Variants in LAPTM4B observed in about 807,000 individuals in gnomAD.
LAPTM4B encodes lysosomal protein transmembrane 4 beta.
A neutral mutation model predicts 28.5 loss-of-function variants in LAPTM4B; 26 were observed. That is an observed-to-expected ratio of 0.91 (90% CI 0.67 to 1.27). The LOEUF is 1.27. Among genes scored for constraint, LAPTM4B ranks in the 50% most tolerant of loss-of-function variants. The probability of loss-of-function intolerance (pLI) is 0.00; values close to 1 mark genes in which losing one functional copy is unlikely to be tolerated. For synonymous variants in LAPTM4B, 109 were observed against 106.4 expected (o/e 1.02, Z -0.15); for missense variants, 288 against 285.8 (o/e 1.01, Z -0.06).
intron 2 of LAPTM4B, among the ~76,000 whole-genome samples, chr8:97,812,263 A>G (rs544663162): frequency 7.8e-6 from 1 of 127,486 alleles, no homozygotes; most frequent in African/African-American, 2.8e-5. Context: ...TCTGTCACCC[A>G]GGCTGGAGTA....
intron 5 of LAPTM4B, among the ~76,000 whole-genome samples, chr8:97,819,953 T>C (rs1816978820): frequency 6.6e-6 from 1 of 152,136 alleles, no homozygotes; most frequent in Non-Finnish European, 1.5e-5. Context: ...GCCAGGATGG[T>C]CTCGATCTCC....
chr8:97,775,919 G>A lies in LAPTM4B; in HGVS notation c.-91G>A, dbSNP rs1313277461. On this transcript the variant is annotated 5_prime_UTR_variant, in exon 1 of 7. Coordinates refer to ENST00000521545, the MANE Select transcript of LAPTM4B (RefSeq NM_018407.6). ...CGGGCCGGGAGCCGGAGCGGCGGAG[G>A]AGCCGGCAGCAGCGGCGCGGCGGGC... The A allele has an allele frequency of 5.6e-6, 7 of 1,245,342 alleles. No individual in the cohort carries two copies. The highest frequency in any genetic ancestry group is 5.4e-6 in the Non-Finnish European group (5 of 930,918). The allele number at this position is 1,245,342 out of a possible 1,614,324, so 77.1% of individuals were successfully genotyped here. A position where few individuals can be genotyped will look rare whatever the true frequency, so the allele number is the denominator to read the frequency against.
chr8:97,790,606 G>A (rs1336956122), intron 1 of LAPTM4B, among the ~76,000 whole-genome samples: 2 of 152,164 alleles, frequency 1.3e-5, no homozygotes, highest in African/African-American at 4.8e-5. Context: ...ACCGTGCCTG[G>A]CCTTAATTTT....
At chr8:97,823,510 G>A (rs1440077670) in intron 5 of LAPTM4B, among the ~76,000 whole-genome samples, 4 of 151,738 alleles carry the variant, frequency 2.6e-5, no homozygotes, top group African/African-American at 9.7e-5. Context: ...ACATAGCTGG[G>A]ATTACAGGCA....
At chr8:97,785,639 GA>G (rs1248164214) in intron 1 of LAPTM4B, among the ~76,000 whole-genome samples, 1 of 152,162 alleles carries the variant, frequency 6.6e-6, no homozygotes, top group Admixed American at 6.6e-5. Flanking sequence ...TTTAAAGACT[GA>G]AAGGGGGAAC....
rs534785211 is a variant in LAPTM4B, at chr8:97,803,342, G to A, written c.100-2011G>A. On this transcript the variant is annotated intron_variant, in intron 1 of 6. Coordinates refer to ENST00000521545, the MANE Select transcript of LAPTM4B (RefSeq NM_018407.6). ...CACCCAGGCTGGAGGGCAGTGGCACGATCTCAGCTCACTGGAACCTCTGCC... is the reference window on the plus strand; with the variant it reads ...CACCCAGGCTGGAGGGCAGTGGCACAATCTCAGCTCACTGGAACCTCTGCC... Among the ~76,000 whole-genome samples the A allele has an allele frequency of 7.0e-4, 106 of 151,520 alleles. 1 individual carries two copies. In the South Asian group the frequency reaches 0.021, roughly 30 times the overall value.
chr8:97,794,319 A>AT (rs1816549125), intron 1 of LAPTM4B, among the ~76,000 whole-genome samples: 1 of 152,136 alleles, frequency 6.6e-6, no homozygotes, highest in African/African-American at 2.4e-5. Context: ...AAATATAAAA[A>AT]TTAGCTCATC....
chr8:97,839,090 C>G (rs1319916), intron 6 of LAPTM4B, among the ~76,000 whole-genome samples: 17,865 of 152,186 alleles, frequency 0.12, 1,247 homozygotes, highest in East Asian at 0.17. Context: ...CTCCCAAAAC[C>G]TTTTCCTTGG....
At chr8:97,812,342 C>T (rs920186510) in intron 2 of LAPTM4B, among the ~76,000 whole-genome samples, 7 of 151,358 alleles carry the variant, frequency 4.6e-5, no homozygotes, top group African/African-American at 1.7e-4. Flanking sequence ...GCCTTGGCCT[C>T]CCGAGTAGCT....
At chr8:97,797,225 C>T (rs1029268463) in intron 1 of LAPTM4B, among the ~76,000 whole-genome samples, 1 of 150,954 alleles carries the variant, frequency 6.6e-6, no homozygotes, top group Non-Finnish European at 1.5e-5. Context: ...ACCTCTGCTT[C>T]CCAGGTTGAA....
intron 1 of LAPTM4B, among the ~76,000 whole-genome samples, chr8:97,797,823 CAT>C (rs1222316814): frequency 6.6e-6 from 1 of 152,164 alleles, no homozygotes. Flanking sequence ...ATTCCTGGAA[CAT>C]ATTCAGGGGC....
At chr8:97,834,994 A>G (rs531576872) in intron 6 of LAPTM4B, among the ~76,000 whole-genome samples, 20 of 152,304 alleles carry the variant, frequency 1.3e-4, no homozygotes, top group African/African-American at 4.6e-4. Flanking sequence ...CAATTAAGAA[A>G]ACCAAAGTTA....
intron 1 of LAPTM4B, among the ~76,000 whole-genome samples, chr8:97,800,484 C>CTTTTTTTTTTTTTTTTTTTTTTTTT (rs546425169): frequency 1.2e-4 from 8 of 69,326 alleles, no homozygotes; most frequent in African/African-American, 6.0e-4. Context: ...CCCTTGACCT[C>CTTTTTTTTTTTTTTTTTTTTTTTTT]TTTTTTTTTT....
At chr8:97,789,375 G>GTT (rs71271150) in intron 1 of LAPTM4B, among the ~76,000 whole-genome samples, 1 of 150,070 alleles carries the variant, frequency 6.7e-6, no homozygotes, top group Non-Finnish European at 1.5e-5. Context: ...CGCCTGGCCT[G>GTT]TTTTTTTGAG....
intron 1 of LAPTM4B, among the ~76,000 whole-genome samples, chr8:97,788,916 G>C (rs1220677079): frequency 6.6e-6 from 1 of 151,636 alleles, no homozygotes; most frequent in Non-Finnish European, 1.5e-5. Context: ...GGTTGGTCTC[G>C]AACTCCTGAC....
rs386413439 is a variant in LAPTM4B, at chr8:97,805,324, C to CTTTTTTTTTTTTTTTTTTT, written c.100-11_100-10insTTTTTTTTTTTTTTTTTTT. On this transcript the variant is annotated intron_variant, in intron 1 of 6. Transcript: ENST00000521545. The stretch of plus-strand genomic sequence containing the variant: ...ATTGCATCCTGGGGTTACTTAAATT[C>CTTTTTTTTTTTTTTTTTTT]TTTTTTTTTTTTTTTTTTCTTGTTG... 4.7e-6 allele frequency: 4 copies of CTTTTTTTTTTTTTTTTTTT among 843,616 alleles called. 1 individual carries two copies. Among genetic ancestry groups the CTTTTTTTTTTTTTTTTTTT allele is most frequent in the Admixed American group, 5.1e-5 (2 of 39,268 alleles). The allele number at this position is 843,616 out of a possible 1,614,324, so 52.3% of individuals were successfully genotyped here.
At chr8:97,820,513 A>G (rs1438091987) in intron 5 of LAPTM4B, among the ~76,000 whole-genome samples, 1 of 152,120 alleles carries the variant, frequency 6.6e-6, no homozygotes, top group African/African-American at 2.4e-5. Flanking sequence ...GGAAAGCTGC[A>G]TTGAGGCAGA....
chr8:97,782,278 G>GTTTT (rs1816333248), intron 1 of LAPTM4B, among the ~76,000 whole-genome samples: 2 of 69,768 alleles, frequency 2.9e-5, no homozygotes, highest in African/African-American at 1.2e-4. Flanking sequence ...ACCATGCCCA[G>GTTTT]CTTTTTTTTT....
intron 1 of LAPTM4B, among the ~76,000 whole-genome samples, chr8:97,789,371 G>T (rs1238458262): frequency 8.1e-6 from 1 of 123,464 alleles, no homozygotes; most frequent in African/African-American, 2.8e-5. Context: ...ACCACGCCTG[G>T]CCTGTTTTTT....
Sources: allele counts gnomAD v4.1 joint callset (sites outside exome capture counted in the v4.1 genomes callset), GRCh38; gene constraint gnomAD v4.1.1; transcripts MANE v1.5; gene names NCBI Gene and HGNC (gene_info 2026-07-23, HGNC 2026-07-21).